The following KCNT2 variants were observed in gnomAD, a reference collection of about 807,000 sequenced individuals.
KCNT2 encodes the protein potassium sodium-activated channel subfamily T member 2, also known as potassium channel subfamily T member 2.
Under a neutral mutation model 153.8 loss-of-function variants are expected in KCNT2, and 67 were observed. The ratio of observed to expected loss-of-function variants is 0.44; its 90% CI spans 0.36 to 0.53. The LOEUF is 0.53. KCNT2 is among the 20% of genes least tolerant of loss of function. The pLI, the probability that KCNT2 is intolerant of heterozygous loss-of-function variation, is 0.00. For missense variants in KCNT2, 975 were observed against 1,354.8 expected (o/e 0.72, Z 4.40); for synonymous variants, 500 against 458.8 (o/e 1.09, Z -1.15).
intron 27 of KCNT2, among the ~76,000 whole-genome samples, chr1:196,234,448 T>C (rs1481185351): frequency 6.6e-6 from 1 of 151,328 alleles, no homozygotes; most frequent in Non-Finnish European, 1.5e-5. Flanking sequence ...TCTGCCTTCA[T>C]AAATCTATTT....
chr1:196,550,122 A>C (rs1375324822), intron 1 of KCNT2, among the ~76,000 whole-genome samples: 1 of 151,886 alleles, frequency 6.6e-6, no homozygotes, highest in Non-Finnish European at 1.5e-5. Context: ...GATACCTTAC[A>C]TTTTTTGAGT....
intron 5 of KCNT2, among the ~76,000 whole-genome samples, chr1:196,472,934 T>C (rs1265750150): frequency 3.3e-5 from 5 of 152,102 alleles, no homozygotes; most frequent in African/African-American, 1.2e-4. Context: ...AGGCCTACTC[T>C]TCAGAACTAT....
intron 8 of KCNT2, among the ~76,000 whole-genome samples, chr1:196,430,503 C>T (rs1038263409): frequency 5.9e-5 from 9 of 151,900 alleles, no homozygotes; most frequent in African/African-American, 1.7e-4. Flanking sequence ...AGCAAGAAGG[C>T]CCTCACCAGT....
intron 21 of KCNT2, among the ~76,000 whole-genome samples, chr1:196,306,638 C>T (rs1485427008): frequency 6.6e-6 from 1 of 152,092 alleles, no homozygotes; most frequent in African/African-American, 2.4e-5. Flanking sequence ...CTCTGATTAT[C>T]TGCCTCTCAG....
At chr1:196,352,627 T>A (rs1441813218) in intron 14 of KCNT2, among the ~76,000 whole-genome samples, 1 of 152,182 alleles carries the variant, frequency 6.6e-6, no homozygotes, top group Non-Finnish European at 1.5e-5. Flanking sequence ...TAGTGGTCTA[T>A]CAATTTTGTT....
intron 13 of KCNT2, among the ~76,000 whole-genome samples, chr1:196,388,400 A>T (rs1287715940): frequency 6.6e-6 from 1 of 151,526 alleles, no homozygotes; most frequent in East Asian, 1.9e-4. Context: ...TTACATTTTT[A>T]TATTATTTAA....
rs1437747035 is a variant in KCNT2, at chr1:196,455,308, C to T, written c.638+9985G>A. On this transcript the variant is annotated intron_variant, in intron 8 of 27. Coordinates refer to ENST00000294725, the MANE Select transcript of KCNT2 (RefSeq NM_198503.5). ...GTTACAGAGATTAGAACATGGACAT[C>T]TTTGAAGGCCAAGCTGCCTACCTTT... 3.9e-5 allele frequency among the ~76,000 whole-genome samples: 6 copies of T among 151,986 alleles called. 1 individual carries two copies. Among genetic ancestry groups the T allele is most frequent in the Admixed American group, 2.6e-4 (4 of 15,230 alleles).
chr1:196,480,240 T>C (rs969785155), intron 4 of KCNT2, among the ~76,000 whole-genome samples: 2 of 152,172 alleles, frequency 1.3e-5, no homozygotes, highest in African/African-American at 4.8e-5. Flanking sequence ...TTATAGATTT[T>C]TGAGGTTTAA....
At chr1:196,245,816 C>G (rs574447301) in intron 26 of KCNT2, among the ~76,000 whole-genome samples, 4 of 152,098 alleles carry the variant, frequency 2.6e-5, no homozygotes, top group South Asian at 4.1e-4. Context: ...AAGGAAAGCA[C>G]AATTTTAAAA....
At chr1:196,266,959 C>T (rs1241175431) in intron 25 of KCNT2, among the ~76,000 whole-genome samples, 1 of 152,204 alleles carries the variant, frequency 6.6e-6, no homozygotes, top group Non-Finnish European at 1.5e-5. Context: ...CACAAAAATG[C>T]TCCTGCTGCT....
At chr1:196,552,476 G>A (rs1451557594) in intron 1 of KCNT2, among the ~76,000 whole-genome samples, 3 of 151,400 alleles carry the variant, frequency 2.0e-5, no homozygotes, top group Admixed American at 1.3e-4. Context: ...ACCAAAAGCT[G>A]AGGGATTTCA....
intron 14 of KCNT2, among the ~76,000 whole-genome samples, chr1:196,359,083 C>A (rs1043777113): frequency 6.6e-6 from 1 of 151,764 alleles, no homozygotes; most frequent in Non-Finnish European, 1.5e-5. Context: ...TTATTTTTCC[C>A]GAATGATAAA....
intron 1 of KCNT2, among the ~76,000 whole-genome samples, chr1:196,533,461 G>A (rs191373670): frequency 6.6e-5 from 10 of 152,104 alleles, no homozygotes; most frequent in Non-Finnish European, 1.5e-4. Flanking sequence ...TGAACTAGTC[G>A]TACTGGCATT....
chr1:196,334,965 A>G (rs1664873917), intron 16 of KCNT2, among the ~76,000 whole-genome samples: 2 of 152,148 alleles, frequency 1.3e-5, no homozygotes, highest in African/African-American at 4.8e-5. Context: ...CCCAAGCCCA[A>G]GTGGCTTAAG....
At chr1:196,433,435 A>G (rs1674336962) in intron 8 of KCNT2, among the ~76,000 whole-genome samples, 1 of 152,126 alleles carries the variant, frequency 6.6e-6, no homozygotes, top group South Asian at 2.1e-4. Context: ...AGAGCCAGCA[A>G]ATTAGTGGTT....
rs1215576708 is a variant in KCNT2 at position 196,598,353 on chromosome 1, A to G, written c.95+9862T>C. On this transcript the variant is annotated intron_variant, in intron 1 of 27. Transcript: ENST00000294725. ...TCAGTCAATCAATCAATAATAATCT[A>G]TACCCCCATACACACACAAATAAAA... Among the ~76,000 whole-genome samples, 6 of 152,156 alleles carry G rather than the reference A, an allele frequency of 3.9e-5. No homozygotes were observed. In the East Asian group the frequency reaches 1.2e-3, roughly 29 times the overall value.
At chr1:196,266,734 TA>T (rs1657576869) in intron 25 of KCNT2, among the ~76,000 whole-genome samples, 1 of 152,128 alleles carries the variant, frequency 6.6e-6, no homozygotes. Flanking sequence ...CTGAAAAAAA[TA>T]AATGGAGGCT....
chr1:196,345,492 G>T (rs1237372999), intron 14 of KCNT2, among the ~76,000 whole-genome samples: 1 of 152,146 alleles, frequency 6.6e-6, no homozygotes, highest in Non-Finnish European at 1.5e-5. Flanking sequence ...TAACTAGCTG[G>T]GAGGAGGGAT....
At chr1:196,237,643 G>GT (rs1407675414) in intron 26 of KCNT2, among the ~76,000 whole-genome samples, 1 of 151,668 alleles carries the variant, frequency 6.6e-6, no homozygotes, top group African/African-American at 2.4e-5. Context: ...TATAACTAAT[G>GT]TTTTTTAGAA....
Sources: allele counts gnomAD v4.1 joint callset (sites outside exome capture counted in the v4.1 genomes callset), GRCh38; gene constraint gnomAD v4.1.1; transcripts MANE v1.5; gene names NCBI Gene and HGNC (gene_info 2026-07-23, HGNC 2026-07-21).